VWC2: variants seen among roughly 807,000 people sequenced by gnomAD.
The protein encoded by VWC2 is brorin.
Under a neutral mutation model 29.8 loss-of-function variants are expected in VWC2, and 14 were observed. That is an observed-to-expected ratio of 0.47 (90% CI 0.31 to 0.74). The LOEUF (loss-of-function observed/expected upper bound fraction) is 0.74, where lower values mean the gene tolerates loss of function less well. Ranked by LOEUF, VWC2 falls within the 30% of genes least tolerant of loss-of-function variation. The pLI is 0.05. For missense variants in VWC2, 457 were observed against 459.8 expected, an observed-to-expected ratio of 0.99 and a Z score of 0.05; for synonymous variants, 213 against 199.0, an observed-to-expected ratio of 1.07 and a Z score of -0.59.
intron 3 of VWC2, among the ~76,000 whole-genome samples, chr7:49,813,297 G>A (rs1789056006): frequency 6.6e-6 from 1 of 152,194 alleles, no homozygotes; most frequent in Non-Finnish European, 1.5e-5. Flanking sequence ...TGCTTTTTAG[G>A]ACCAGTGATT....
At chr7:49,778,266 G>T (rs1788094153) in intron 2 of VWC2, among the ~76,000 whole-genome samples, 1 of 152,068 alleles carries the variant, frequency 6.6e-6, no homozygotes, top group Non-Finnish European at 1.5e-5. Context: ...AGATGATATT[G>T]ACAAAAGGGA....
chr7:49,908,327 G>A (rs998784256), intron 3 of VWC2, among the ~76,000 whole-genome samples: 1 of 152,150 alleles, frequency 6.6e-6, no homozygotes, highest in Non-Finnish European at 1.5e-5. Context: ...GAATGCCCTT[G>A]TCCACAAGGA....
At chr7:49,862,812 A>G (rs914839261) in intron 3 of VWC2, among the ~76,000 whole-genome samples, 5 of 152,176 alleles carry the variant, frequency 3.3e-5, no homozygotes, top group African/African-American at 7.2e-5. Context: ...CATTCAAGGA[A>G]TAAATCCCAT....
chr7:49,839,834 C>T (rs532290888), intron 3 of VWC2, among the ~76,000 whole-genome samples: 5 of 152,308 alleles, frequency 3.3e-5, no homozygotes, highest in South Asian at 4.1e-4. Flanking sequence ...CAAATCGTGA[C>T]GTCCCATGTC....
At chr7:49,871,354 T>C (rs1791141450) in intron 3 of VWC2, among the ~76,000 whole-genome samples, 1 of 152,302 alleles carries the variant, frequency 6.6e-6, no homozygotes, top group African/African-American at 2.4e-5. Context: ...GTATATCCCA[T>C]GGTTTTCTTT....
chr7:49,919,848 G>A lies in VWC2; in HGVS notation c.*7663G>A, dbSNP rs1325660858. Reference sequence around the variant, plus strand: ...GAAAAAGATTTTCATTTTAAGATAGGCATCAGTGCAATAAAGGAGCTTGAT... The same window carrying A: ...GAAAAAGATTTTCATTTTAAGATAGACATCAGTGCAATAAAGGAGCTTGAT... On this transcript the variant is annotated 3_prime_UTR_variant, in exon 4 of 4. Coordinates refer to ENST00000340652, the MANE Select transcript of VWC2 (RefSeq NM_198570.5). 6.6e-6 allele frequency: 1 copy of A among 152,128 alleles called. No homozygotes were observed. Among genetic ancestry groups the A allele is most frequent in the East Asian group, 1.9e-4 (1 of 5,202 alleles). The allele number at this position is 152,128 out of a possible 1,614,324, so 9.4% of individuals were successfully genotyped here.
chr7:49,774,934 C>A (rs74813717), intron 1 of VWC2, among the ~76,000 whole-genome samples: 2,343 of 152,300 alleles, frequency 0.015, 27 homozygotes, highest in Middle Eastern at 0.034. Flanking sequence ...CTGCTGAATT[C>A]TCCATTTAAT....
At chr7:49,801,387 C>T (rs1478093003) in intron 2 of VWC2, among the ~76,000 whole-genome samples, 1 of 152,178 alleles carries the variant, frequency 6.6e-6, no homozygotes, top group East Asian at 1.9e-4. Context: ...CCCCACTTCC[C>T]AGTTTTGCTT....
intron 3 of VWC2, among the ~76,000 whole-genome samples, chr7:49,818,963 A>G (rs902691147): frequency 6.6e-6 from 1 of 152,018 alleles, no homozygotes; most frequent in Non-Finnish European, 1.5e-5. Context: ...CAAATAAATT[A>G]AATGTGATTA....
chr7:49,826,743 T>C lies in VWC2; in HGVS notation c.826+23903T>C, dbSNP rs549380848. On this transcript the variant is annotated intron_variant, in intron 3 of 3. Coordinates refer to ENST00000340652, the MANE Select transcript of VWC2 (RefSeq NM_198570.5). ...ATTTTTGGTGGTTTCATTTAAAAGGTTTTTAATAGATTTCTTATATGTTTA... is the reference window on the plus strand; with the variant it reads ...ATTTTTGGTGGTTTCATTTAAAAGGCTTTTAATAGATTTCTTATATGTTTA... Among the ~76,000 whole-genome samples, 4 of 152,254 alleles carry C rather than the reference T, an allele frequency of 2.6e-5. No individual in the cohort carries two copies. In the East Asian group the frequency reaches 7.7e-4, roughly 29 times the overall value.
chr7:49,867,237 A>G (rs902680899), intron 3 of VWC2, among the ~76,000 whole-genome samples: 1 of 152,242 alleles, frequency 6.6e-6, no homozygotes, highest in African/African-American at 2.4e-5. Flanking sequence ...ACAATGCCAT[A>G]GGAATATGAT....
intron 3 of VWC2, among the ~76,000 whole-genome samples, chr7:49,853,046 A>G (rs1033374997): frequency 3.3e-5 from 5 of 152,178 alleles, no homozygotes; most frequent in Admixed American, 1.3e-4. Context: ...TGCACCAAGG[A>G]CAGAAGCGGA....
At chr7:49,780,226 C>T (rs1233704646) in intron 2 of VWC2, among the ~76,000 whole-genome samples, 2 of 152,094 alleles carry the variant, frequency 1.3e-5, no homozygotes, top group African/African-American at 4.8e-5. Flanking sequence ...TCAACTTGAC[C>T]ATTCTGATTC....
intron 2 of VWC2, among the ~76,000 whole-genome samples, chr7:49,782,698 A>T (rs1227367041): frequency 6.6e-6 from 1 of 151,588 alleles, no homozygotes; most frequent in Non-Finnish European, 1.5e-5. Context: ...TTGAAAAAAA[A>T]AAAAAAGGCC....
rs752338945 is a variant in VWC2, at chr7:49,920,661, T to C, written c.*8476T>C. On this transcript the variant is annotated 3_prime_UTR_variant, in exon 4 of 4. Coordinates refer to ENST00000340652, the MANE Select transcript of VWC2 (RefSeq NM_198570.5). ...CATAAAGTTCACAACTATTTGCACA[T>C]AGCTATAAATATAGCATGAATAAAA... 6.6e-6 allele frequency: 1 copy of C among 152,224 alleles called. No homozygotes were observed. Among genetic ancestry groups the C allele is most frequent in the African/African-American group, 2.4e-5 (1 of 41,454 alleles). The allele number at this position is 152,224 out of a possible 1,614,324, so 9.4% of individuals were successfully genotyped here. A position where few individuals can be genotyped will look rare whatever the true frequency, so the allele number is the denominator to read the frequency against.
intron 3 of VWC2, among the ~76,000 whole-genome samples, chr7:49,868,150 T>C (rs761755511): frequency 2.0e-4 from 30 of 152,102 alleles, no homozygotes; most frequent in Admixed American, 7.2e-4. Context: ...AATTACATTA[T>C]AAGTGAGGAA....
chr7:49,855,626 G>A (rs1790385478), intron 3 of VWC2, among the ~76,000 whole-genome samples: 1 of 152,220 alleles, frequency 6.6e-6, no homozygotes, highest in Non-Finnish European at 1.5e-5. Context: ...CTTGATCTGT[G>A]CTGCAGGAGA....
chr7:49,784,938 AG>A (rs1788262795), intron 2 of VWC2, among the ~76,000 whole-genome samples: 1 of 152,248 alleles, frequency 6.6e-6, no homozygotes, highest in African/African-American at 2.4e-5. Context: ...CTGAGGCAAA[AG>A]CAGTTGAATC....
Position 49,835,361 on chromosome 7 carries a change from T to TGGGA in VWC2, c.826+32521_826+32522insGGGA, listed in dbSNP as rs1006764508. 4.6e-5 allele frequency among the ~76,000 whole-genome samples: 7 copies of TGGGA among 152,282 alleles called. 1 individual carries two copies. The highest frequency in any genetic ancestry group is 1.7e-4 in the African/African-American group (7 of 41,520). On this transcript the variant is annotated intron_variant, in intron 3 of 3. Transcript: ENST00000340652. ...AGATGAAGTTTCTTTTCTTTCTCAGTATTTAAGCTAGTGACACATGTGGGC... is the reference window on the plus strand; with the variant it reads ...AGATGAAGTTTCTTTTCTTTCTCAGTGGGAATTTAAGCTAGTGACACATGTGGGC...
Sources: gnomAD v4.1 joint callset for allele counts (sites outside exome capture counted in the v4.1 genomes callset) on GRCh38, gnomAD v4.1.1 for gene constraint, MANE v1.5 for transcripts, NCBI Gene and HGNC (gene_info 2026-07-23, HGNC 2026-07-21) for gene names.